The following KCNMA1 variants were observed in gnomAD, a reference collection of about 807,000 sequenced individuals.
KCNMA1 encodes potassium calcium-activated channel subfamily M alpha 1, also known as Calcium-activated potassium channel subunit alpha-1.
In KCNMA1, 29 loss-of-function variants were observed where a neutral mutation model predicts 140.0. That is an observed-to-expected ratio of 0.21 (90% confidence interval 0.15 to 0.28). The LOEUF (loss-of-function observed/expected upper bound fraction) is 0.28, where lower values mean the gene tolerates loss of function less well. Ranked by LOEUF, KCNMA1 falls within the 10% of genes least tolerant of loss-of-function variation. KCNMA1 has a pLI of 1.00. For synonymous variants in KCNMA1, 612 were observed against 611.9 expected, an observed-to-expected ratio of 1.00 and a Z score of 0.00; for missense variants, 880 against 1,602.2, an observed-to-expected ratio of 0.55 and a Z score of 7.70.
At chr10:77,201,104 A>C (rs2042304892) in intron 3 of KCNMA1, among the ~76,000 whole-genome samples, 1 of 152,096 alleles carries the variant, frequency 6.6e-6, no homozygotes, top group South Asian at 2.1e-4. Flanking sequence ...GTAGGGGGTG[A>C]GGCTTTCTTT....
intron 23 of KCNMA1, among the ~76,000 whole-genome samples, chr10:76,935,749 T>C (rs1055179719): frequency 3.3e-5 from 5 of 152,210 alleles, no homozygotes; most frequent in Non-Finnish European, 7.3e-5. Context: ...ATCTGCTTTC[T>C]GTCTCTGAAG....
intron 2 of KCNMA1, among the ~76,000 whole-genome samples, chr10:77,346,413 A>G (rs893722580): frequency 1.3e-5 from 2 of 152,120 alleles, no homozygotes; most frequent in Non-Finnish European, 2.9e-5. Context: ...CTATTCCAGC[A>G]TCTTGCAGCT....
Position 76,885,736 on chromosome 10 carries a change from C to T in KCNMA1, c.*1530G>A, listed in dbSNP as rs932178929. Reference sequence around the variant, plus strand: ...GAATTGGCCAGTTTTTAAGAAATACCGCACTGCCTAAAGCATGATTTGCAT... The same window carrying T: ...GAATTGGCCAGTTTTTAAGAAATACTGCACTGCCTAAAGCATGATTTGCAT... On this transcript the variant is annotated 3_prime_UTR_variant, in exon 28 of 28. Transcript: ENST00000286628. 2.5e-5 allele frequency: 25 copies of T among 985,128 alleles called. No individual in the cohort carries two copies. The highest frequency in any genetic ancestry group is 1.9e-4 in the African/African-American group (11 of 57,160). The allele number at this position is 985,128 out of a possible 1,614,324, so 61.0% of individuals were successfully genotyped here.
intron 5 of KCNMA1, among the ~76,000 whole-genome samples, chr10:77,164,447 G>A (rs756866859): frequency 1.3e-5 from 2 of 152,052 alleles, no homozygotes; most frequent in East Asian, 1.9e-4. Flanking sequence ...AAGGCAGGTG[G>A]CTATTTTAAA....
intron 1 of KCNMA1, chr10:77,636,854 G>A: frequency 1.4e-6 from 2 of 1,429,490 alleles, no homozygotes; most frequent in Admixed American, 3.0e-5. Flanking sequence ...CCCACCGCCA[G>A]GAGCCGAGCC....
chr10:77,611,502 C>T (rs2086862989), intron 1 of KCNMA1, among the ~76,000 whole-genome samples: 1 of 152,182 alleles, frequency 6.6e-6, no homozygotes, highest in South Asian at 2.1e-4. Context: ...AATGGAGTCC[C>T]TTTAATGTTA....
At chr10:77,589,959 G>A (rs1472803630) in intron 1 of KCNMA1, among the ~76,000 whole-genome samples, 1 of 152,126 alleles carries the variant, frequency 6.6e-6, no homozygotes, top group African/African-American at 2.4e-5. Flanking sequence ...GAGCCAAGTG[G>A]TCTCTTTTGA....
chr10:77,189,715 G>T (rs201636775), intron 3 of KCNMA1, among the ~76,000 whole-genome samples: 1 of 152,132 alleles, frequency 6.6e-6, no homozygotes, highest in South Asian at 2.1e-4. Context: ...CTTGTGGCTA[G>T]TCCCTTTCTA....
intron 1 of KCNMA1, among the ~76,000 whole-genome samples, chr10:77,445,875 G>A (rs1479326754): frequency 6.6e-6 from 1 of 152,152 alleles, no homozygotes; most frequent in Non-Finnish European, 1.5e-5. Flanking sequence ...CCCAAGCCAG[G>A]GCCTCTGAGG....
downstream of KCNMA1, among the ~76,000 whole-genome samples, chr10:76,881,223 A>G (rs60541201): frequency 0.028 from 4,290 of 152,298 alleles, 211 homozygotes; most frequent in African/African-American, 0.097. Flanking sequence ...GCAGGAGGTG[A>G]AAGTTAAGCA....
chr10:76,928,401 C>T (rs540821074), intron 23 of KCNMA1, among the ~76,000 whole-genome samples: 1 of 152,092 alleles, frequency 6.6e-6, no homozygotes, highest in South Asian at 2.1e-4. Context: ...ATAGAATCTT[C>T]CCCACATTGG....
intron 2 of KCNMA1, among the ~76,000 whole-genome samples, chr10:77,384,011 G>A (rs147209463): frequency 0.011 from 1,652 of 152,324 alleles, 23 homozygotes; most frequent in African/African-American, 0.027. Flanking sequence ...AGATTTGTGC[G>A]TCACCATCAG....
At chr10:76,912,992 C>T (rs1170441175) in intron 24 of KCNMA1, 2 of 152,164 alleles carry the variant, frequency 1.3e-5, no homozygotes, top group African/African-American at 4.8e-5. Context: ...TGAATTTGTC[C>T]TGATAAATAG....
intron 1 of KCNMA1, among the ~76,000 whole-genome samples, chr10:77,556,163 C>T (rs1243812096): frequency 1.3e-5 from 2 of 152,116 alleles, no homozygotes; most frequent in Non-Finnish European, 1.5e-5. Flanking sequence ...CCTGTGTCTT[C>T]ACCTTTAAAA....
intron 25 of KCNMA1, among the ~76,000 whole-genome samples, chr10:76,900,425 T>G (rs2152120789): frequency 6.6e-6 from 1 of 152,232 alleles, no homozygotes; most frequent in South Asian, 2.1e-4. Context: ...ACAAAATTTC[T>G]ACTTAGTAGT....
chr10:77,080,205 AC>A (rs1167616745), intron 12 of KCNMA1, among the ~76,000 whole-genome samples: 1 of 152,118 alleles, frequency 6.6e-6, no homozygotes, highest in Non-Finnish European at 1.5e-5. Context: ...AGAAGTTACT[AC>A]CCCTTCCCTA....
intron 2 of KCNMA1, among the ~76,000 whole-genome samples, chr10:77,358,391 T>TC (rs2093677317): frequency 6.6e-6 from 1 of 152,056 alleles, no homozygotes. Context: ...TCAAAGCATC[T>TC]CCCCCACCTT....
intron 23 of KCNMA1, among the ~76,000 whole-genome samples, chr10:76,941,296 T>C (rs945693883): frequency 1.0e-3 from 156 of 152,300 alleles, no homozygotes; most frequent in African/African-American, 3.6e-3. Context: ...TCATGCCAAA[T>C]GCCCAGATGA....
At chr10:76,916,596 A>G (rs1167094181) in intron 23 of KCNMA1, among the ~76,000 whole-genome samples, 1 of 152,190 alleles carries the variant, frequency 6.6e-6, no homozygotes, top group East Asian at 1.9e-4. Context: ...CCTTCAGCGG[A>G]ATGCTACATG....
Sources: allele counts gnomAD v4.1 joint callset (sites outside exome capture counted in the v4.1 genomes callset), GRCh38; gene constraint gnomAD v4.1.1; transcripts MANE v1.5; gene names NCBI Gene and HGNC (gene_info 2026-07-23, HGNC 2026-07-21).